ABHD12B: variants seen among roughly 807,000 people sequenced by gnomAD.
ABHD12B encodes the protein protein ABHD12B.
A neutral mutation model predicts 50.4 loss-of-function variants in ABHD12B; 42 were observed. The observed-to-expected ratio is 0.83, with a 90% CI of 0.65 to 1.08. The LOEUF (loss-of-function observed/expected upper bound fraction) is 1.08. Among genes scored for constraint, ABHD12B ranks in the 50% least tolerant of loss-of-function variants. The pLI is 0.00. For synonymous variants in ABHD12B, 167 were observed against 160.3 expected (o/e 1.04, Z -0.32); for missense variants, 479 against 447.7 (o/e 1.07, Z -0.63).
At chr14:50,889,069 AAGGGAACCCATGGCTGTCGGATTTGAT>A (rs1177455196) in intron 9 of ABHD12B, among the ~76,000 whole-genome samples, 166 bp downstream of exon 9, 3 of 152,194 alleles carry the variant, frequency 2.0e-5, no homozygotes, top group African/African-American at 7.2e-5. Context: ...GTTACCACAA[AAGGGAACCCATGGCTGTCGGATTTGAT>A]ATTTCCTTCA....
Position 50,872,218 on chromosome 14 carries a change from C to T in ABHD12B, c.44C>T (p.Pro15Leu). ...CAGGCGGCCGCATCGCCCGAGCCGC[C>T]CGGGCCCCCAGCCCGTAGCTGCGTG... ...DCQAAASPEPPGPPARSCVAA... is the reference protein window; with the variant it reads ...DCQAAASPEPLGPPARSCVAA... The change falls in exon 1 of 13, where the codon CCC (proline) becomes CTC (leucine). Residue 15 changes from proline to leucine, a missense_variant. Coordinates refer to ENST00000337334, the MANE Select transcript of ABHD12B (RefSeq NM_001206673.2). 2 of 1,387,678 alleles carry T rather than the reference C, an allele frequency of 1.4e-6. No homozygotes were observed. Among genetic ancestry groups the T allele is most frequent in the East Asian group, 3.1e-5 (1 of 32,318 alleles). 86.0% of individuals were successfully genotyped at this position (1,387,678 alleles called of 1,614,324 possible). A position where few individuals can be genotyped will look rare whatever the true frequency, so the allele number is the denominator to read the frequency against.
chr14:50,872,338 G>A (rs909617638), intron 1 of ABHD12B, 60 bp downstream of exon 1: 116 of 1,175,724 alleles, frequency 9.9e-5, no homozygotes, highest in Middle Eastern at 3.2e-4. Context: ...CGCGGGGATG[G>A]GGCAGGGGGC....
In ABHD12B at chr14:50,904,198, A is replaced by G. The variant is rs752632897; in HGVS notation, c.1061+6A>G. 1.4e-5 allele frequency: 22 copies of G among 1,613,908 alleles called. No individual in the cohort carries two copies. In the Admixed American group the frequency reaches 3.7e-4, roughly 27 times the overall value. ...ACACTGTTAATAACCGTGAGGTAAG[A>G]GTTGCTTTGCTAAATGTATGTTGCC... On this transcript the variant is annotated splice_donor_region_variant and intron_variant, in intron 12 of 12. Coordinates refer to ENST00000337334, the MANE Select transcript of ABHD12B (RefSeq NM_001206673.2).
intron 5 of ABHD12B, among the ~76,000 whole-genome samples, chr14:50,884,873 C>A (rs2050014238): frequency 6.6e-6 from 1 of 151,928 alleles, no homozygotes; most frequent in South Asian, 2.1e-4. Flanking sequence ...CACCACCACA[C>A]CCAACAATCA....
At chr14:50,892,333 A>G (rs1386605469) in intron 9 of ABHD12B, 5 of 820,076 alleles carry the variant, frequency 6.1e-6, no homozygotes, top group Non-Finnish European at 7.4e-6. Context: ...CCAAAAGGGA[A>G]TGAGGGTAGT....
chr14:50,883,675 A>C (rs1261619424), intron 5 of ABHD12B, among the ~76,000 whole-genome samples: 1 of 152,250 alleles, frequency 6.6e-6, no homozygotes, highest in African/African-American at 2.4e-5. Flanking sequence ...TGTGGTAGTT[A>C]GGACGGGTGG....
intron 3 of ABHD12B, among the ~76,000 whole-genome samples, 190 bp downstream of exon 3, chr14:50,879,037 A>G (rs1194274816): frequency 6.6e-6 from 1 of 152,088 alleles, no homozygotes; most frequent in African/African-American, 2.4e-5. Flanking sequence ...TGGAGTATAG[A>G]CATTTAGGTG....
chr14:50,879,854 C>T (rs2049915285), intron 3 of ABHD12B, among the ~76,000 whole-genome samples: 2 of 152,146 alleles, frequency 1.3e-5, no homozygotes, highest in African/African-American at 2.4e-5. Flanking sequence ...ATGGAGAGGA[C>T]AGAAGATTTG....
Position 50,880,456 on chromosome 14 carries a change from AC to A in ABHD12B, c.341del (p.Thr114LysfsTer45). On this transcript the variant is annotated frameshift_variant, in exon 4 of 13. Transcript: ENST00000337334. ...EPGVMLGIWH[T>X]VPSCRGEDAK... ...TAAACCTCCCTTGCTCTTCAGGCACACAGTCCCCAGCTGCCGGGGGGAAGAT... is the reference window on the plus strand; with the variant it reads ...TAAACCTCCCTTGCTCTTCAGGCACAAGTCCCCAGCTGCCGGGGGGAAGAT... 1 of 1,604,238 alleles carries A rather than the reference AC, an allele frequency of 6.2e-7. No homozygotes were observed. The highest frequency in any genetic ancestry group is 8.5e-7 in the Non-Finnish European group (1 of 1,175,988).
chr14:50,901,831 T>G lies in ABHD12B; in HGVS notation c.783T>G (p.Ile261Met). Residue 261 changes from isoleucine to methionine, a missense_variant and splice_region_variant, in exon 10 of 13, where the codon ATT becomes ATG. Transcript: ENST00000337334. ...TTTTTTTTCTTTTTTAAAAATAGATTTACCGGAACATTCCAGGATTTTTAC... is the reference window on the plus strand; with the variant it reads ...TTTTTTTTCTTTTTTAAAAATAGATGTACCGGAACATTCCAGGATTTTTAC... Reference protein sequence around the residue: ...VASINYPLLKIYRNIPGFLRT... With the variant: ...VASINYPLLKMYRNIPGFLRT... 1 of 1,589,180 alleles carries G rather than the reference T, an allele frequency of 6.3e-7. No individual in the cohort carries two copies. Among genetic ancestry groups the G allele is most frequent in the Non-Finnish European group, 8.5e-7 (1 of 1,171,638 alleles).
At chr14:50,883,194 C>A (rs996189301) in intron 5 of ABHD12B, among the ~76,000 whole-genome samples, 10 of 152,166 alleles carry the variant, frequency 6.6e-5, no homozygotes, top group Non-Finnish European at 1.5e-4. Flanking sequence ...CCTCTTCCAC[C>A]CTCTGGTTAG....
chr14:50,903,013 T>G (rs2050280850), intron 10 of ABHD12B, among the ~76,000 whole-genome samples: 1 of 152,210 alleles, frequency 6.6e-6, no homozygotes, highest in African/African-American at 2.4e-5. Flanking sequence ...TTTTTTAGTC[T>G]TTTAATAAAA....
chr14:50,897,557 A>G (rs1293940401), intron 9 of ABHD12B, among the ~76,000 whole-genome samples: 1 of 150,218 alleles, frequency 6.7e-6, no homozygotes, highest in East Asian at 1.9e-4. Context: ...CAGGACATAA[A>G]TAGGAGGTAT....
chr14:50,897,706 C>T (rs760176438), intron 9 of ABHD12B, among the ~76,000 whole-genome samples: 1 of 152,158 alleles, frequency 6.6e-6, no homozygotes, highest in Non-Finnish European at 1.5e-5. Context: ...TGGCCACATA[C>T]CCTTTGTGAC....
chr14:50,904,362 C>T lies in ABHD12B; in HGVS notation c.1085C>T (p.Ser362Leu), dbSNP rs1357442811. Residue 362 changes from serine (S) to leucine (L), a missense_variant, in exon 13 of 13, where the codon TCA (serine) becomes TTA (leucine). Transcript: ENST00000337334. Reference protein sequence around the residue: ...TVRDFLSKQWS With the variant: ...TVRDFLSKQWL Reference sequence around the variant, plus strand: ...AGAGATTTCCTGAGCAAGCAGTGGTCATGAGTCTGGGAGGAGTGGAAATCT... The same window carrying T: ...AGAGATTTCCTGAGCAAGCAGTGGTTATGAGTCTGGGAGGAGTGGAAATCT... The T allele has an allele frequency of 9.3e-6, 15 of 1,613,764 alleles. No homozygotes were observed. The South Asian group carries it at 1.6e-4, about 18-fold the overall frequency.
At chr14:50,893,004 T>G (rs1221205975) in intron 9 of ABHD12B, 2 of 152,228 alleles carry the variant, frequency 1.3e-5, no homozygotes, top group African/African-American at 4.8e-5. Context: ...CTGTGTATGA[T>G]TTTAGTCTTT....
At position 50,888,918 on chromosome 14, in the gene ABHD12B, C is replaced by G. The variant is rs1281411968; in HGVS notation, c.780+15C>G. The G allele has an allele frequency of 3.1e-6, 5 of 1,610,912 alleles. No individual in the cohort carries two copies. The highest frequency in any genetic ancestry group is 1.3e-5 in the African/African-American group (1 of 74,862). On this transcript the variant is annotated intron_variant, in intron 9 of 12. Transcript: ENST00000337334. ...CCTTGTTAAAGGTGAGACTCTGATT[C>G]ATCTTTACAAGGGATCAAAGTAGGC...
In ABHD12B at chr14:50,884,695, ATTTCTTCT is replaced by A. The variant is rs2050009074; in HGVS notation, c.487-915_487-908del. Among the ~76,000 whole-genome samples the A allele has an allele frequency of 2.5e-4, 3 of 11,962 alleles. 1 individual carries two copies. Among genetic ancestry groups the A allele is most frequent in the Non-Finnish European group, 5.6e-4 (2 of 3,590 alleles). The allele number at this position is 11,962 out of a possible 152,430, so 7.8% of individuals were successfully genotyped here. A position where few individuals can be genotyped will look rare whatever the true frequency, so the allele number is the denominator to read the frequency against. ...CTCTCTTTTCTTTATCTATGATTGT[ATTTCTTCT>A]TTTTTTTTTTTTTTTTTTTTTTTTT... On this transcript the variant is annotated intron_variant, in intron 5 of 12. Transcript: ENST00000337334.
intron 4 of ABHD12B, among the ~76,000 whole-genome samples, chr14:50,881,370 G>T (rs2142730110): frequency 6.6e-6 from 1 of 151,766 alleles, no homozygotes. Context: ...TTCTCAAGGG[G>T]CTTTTTTGAT....
Sources: allele counts gnomAD v4.1 joint callset (sites outside exome capture counted in the v4.1 genomes callset), GRCh38; gene constraint gnomAD v4.1.1; transcripts MANE v1.5; gene names NCBI Gene and HGNC (gene_info 2026-07-23, HGNC 2026-07-21).